The following COBL variants were observed in gnomAD, a reference collection of about 807,000 sequenced individuals.
COBL encodes the protein cordon-bleu WH2 repeat protein.
Under a neutral mutation model 98.8 loss-of-function variants are expected in COBL, and 51 were observed. The ratio of observed to expected loss-of-function variants is 0.52; its 90% CI spans 0.41 to 0.65. COBL has a LOEUF of 0.65. Among genes scored for constraint, COBL ranks in the 30% least tolerant of loss-of-function variants. The probability of loss-of-function intolerance (pLI) is 0.00; values close to 1 mark genes in which losing one functional copy is unlikely to be tolerated. For synonymous variants in COBL, 634 were observed against 651.7 expected (o/e 0.97, Z 0.41); for missense variants, 1,617 against 1,617.5 (o/e 1.00, Z 0.01).
chr7:51,302,740 AAAT>A (rs1802098225), intron 1 of COBL, among the ~76,000 whole-genome samples: 1 of 152,166 alleles, frequency 6.6e-6, no homozygotes. Context: ...TCTAAGAAAA[AAAT>A]AATAATAATT....
chr7:51,127,835 C>A (rs1332662042), intron 6 of COBL, among the ~76,000 whole-genome samples: 1 of 152,184 alleles, frequency 6.6e-6, no homozygotes, highest in Non-Finnish European at 1.5e-5. Flanking sequence ...GAGTTACCAA[C>A]CGCTGGCAAA....
At chr7:51,183,669 C>G (rs1789211797) in intron 5 of COBL, among the ~76,000 whole-genome samples, 1 of 152,240 alleles carries the variant, frequency 6.6e-6, no homozygotes, top group Non-Finnish European at 1.5e-5. Flanking sequence ...ATGACTGATA[C>G]TCTTCTCTGC....
chr7:51,254,308 T>C (rs1797008302), intron 1 of COBL, among the ~76,000 whole-genome samples: 1 of 152,186 alleles, frequency 6.6e-6, no homozygotes, highest in South Asian at 2.1e-4. Flanking sequence ...AATGGAAGGA[T>C]GAGAGGCGTA....
chr7:51,029,158 T>C lies in COBL; in HGVS notation c.1938A>G (p.Lys646=). The part of the protein sequence containing the change: ...SNLHTDNLNA[K]VKDKVYGCAD... Reference sequence around the variant, plus strand: ...CACAGCCATACACTTTGTCTTTCACTTTTGCATTTAGGTTGTCTGTGTGAA... The same window carrying C: ...CACAGCCATACACTTTGTCTTTCACCTTTGCATTTAGGTTGTCTGTGTGAA... Residue 646 remains lysine, a synonymous_variant, in exon 10 of 13, where the codon AAA becomes AAG. Coordinates refer to ENST00000265136, the MANE Select transcript of COBL (RefSeq NM_015198.5). 6.2e-7 allele frequency: 1 copy of C among 1,614,162 alleles called. No individual in the cohort carries two copies.
chr7:51,186,243 G>GA (rs57096680), intron 4 of COBL, among the ~76,000 whole-genome samples: 10,346 of 152,228 alleles, frequency 0.068, 385 homozygotes, highest in Middle Eastern at 0.14. Flanking sequence ...GGATGCTCAC[G>GA]AACTGACGAT....
Position 51,029,523 on chromosome 7 carries a change from A to C in COBL, c.1573T>G (p.Cys525Gly), listed in dbSNP as rs1219057631. The C allele has an allele frequency of 5.0e-6, 8 of 1,613,766 alleles. No homozygotes were observed. The highest frequency in any genetic ancestry group is 2.2e-5 in the East Asian group (1 of 44,884). ...TSSIHGASNH[C>G]PQDAMIPHGD... ...TGAGGGATCATGGCATCCTGTGGGC[A>C]GTGGTTGGATGCACCATGGATGGAG... The change falls in exon 10 of 13, where the codon TGC (cysteine) becomes GGC (glycine). Residue 525 changes from cysteine (C) to glycine (G), a missense_variant. Cys to Gly is a radical substitution (Grantham distance 159, BLOSUM62 -3). Transcript: ENST00000265136.
intron 8 of COBL, chr7:51,031,702 C>T (rs1788165352): frequency 2.6e-5 from 4 of 152,236 alleles, no homozygotes; most frequent in African/African-American, 9.6e-5. Context: ...CTTTTACAGA[C>T]TCTATGTTTA....
At chr7:51,291,726 A>C (rs1800915377) in intron 1 of COBL, among the ~76,000 whole-genome samples, 1 of 152,200 alleles carries the variant, frequency 6.6e-6, no homozygotes, top group African/African-American at 2.4e-5. Context: ...ACGCCATTGC[A>C]CTCCAGCCAG....
At chr7:51,187,949 C>T in intron 4 of COBL, 1 of 1,232,414 alleles carries the variant, frequency 8.1e-7, no homozygotes, top group Middle Eastern at 3.1e-4. Context: ...CTGAGTTTTG[C>T]TCAGACGAAC....
intron 1 of COBL, among the ~76,000 whole-genome samples, chr7:51,247,218 C>T (rs1398374845): frequency 6.6e-6 from 1 of 152,188 alleles, no homozygotes; most frequent in Non-Finnish European, 1.5e-5. Context: ...CAAATGACTC[C>T]CAATTGGGAT....
chr7:51,194,744 C>T (rs1384215642), intron 2 of COBL, among the ~76,000 whole-genome samples: 1 of 152,020 alleles, frequency 6.6e-6, no homozygotes, highest in Non-Finnish European at 1.5e-5. Flanking sequence ...TGTTTGTTGG[C>T]CTCATGTGTG....
chr7:51,218,077 G>A (rs1449843272), intron 2 of COBL, among the ~76,000 whole-genome samples: 3 of 152,222 alleles, frequency 2.0e-5, no homozygotes, highest in Non-Finnish European at 4.4e-5. Context: ...GCACCACACT[G>A]GAGAGCAGGC....
intron 1 of COBL, among the ~76,000 whole-genome samples, chr7:51,277,247 C>A (rs375230155): frequency 6.6e-6 from 1 of 152,122 alleles, no homozygotes; most frequent in Admixed American, 6.5e-5. Context: ...CTCACGGAAG[C>A]CTGAGGGTGA....
intron 5 of COBL, among the ~76,000 whole-genome samples, chr7:51,158,359 C>A (rs1355153472): frequency 6.6e-6 from 1 of 152,172 alleles, no homozygotes; most frequent in African/African-American, 2.4e-5. Flanking sequence ...CCAAACCTAC[C>A]GGATGGCGGA....
intron 5 of COBL, among the ~76,000 whole-genome samples, chr7:51,181,046 C>G (rs1788899164): frequency 6.6e-6 from 1 of 152,174 alleles, no homozygotes; most frequent in Non-Finnish European, 1.5e-5. Context: ...ATTCTTGCCA[C>G]TCTGTAATGC....
chr7:51,159,429 A>G lies in COBL; in HGVS notation c.784-23098T>C, dbSNP rs1196221178. On this transcript the variant is annotated intron_variant, in intron 5 of 12. Coordinates refer to ENST00000265136, the MANE Select transcript of COBL (RefSeq NM_015198.5). Reference sequence around the variant, plus strand: ...ATGGCGGAGATGTCATCTCCTAGACAGGAAAGGATACCGAGGGACAGAGAG... The same window carrying G: ...ATGGCGGAGATGTCATCTCCTAGACGGGAAAGGATACCGAGGGACAGAGAG... Among the ~76,000 whole-genome samples the G allele has an allele frequency of 2.0e-5, 3 of 152,248 alleles. No individual in the cohort carries two copies. In the East Asian group the frequency reaches 5.8e-4, roughly 29 times the overall value.
intron 7 of COBL, among the ~76,000 whole-genome samples, chr7:51,046,376 C>T (rs1386962893): frequency 2.0e-5 from 3 of 152,170 alleles, no homozygotes; most frequent in African/African-American, 7.2e-5. Context: ...GAGCACAGAT[C>T]TGAAGAGAAG....
At chr7:51,305,436 C>T (rs1420802597) in intron 1 of COBL, among the ~76,000 whole-genome samples, 1 of 152,182 alleles carries the variant, frequency 6.6e-6, no homozygotes, top group African/African-American at 2.4e-5. Context: ...CTAGATACCT[C>T]ATCTACAAAG....
At chr7:51,187,048 A>C (rs1789592215) in intron 4 of COBL, among the ~76,000 whole-genome samples, 1 of 152,168 alleles carries the variant, frequency 6.6e-6, no homozygotes, top group Non-Finnish European at 1.5e-5. Flanking sequence ...AAAGTGTGGG[A>C]ACTCACACAG....
Sources: gnomAD v4.1 joint callset for allele counts (sites outside exome capture counted in the v4.1 genomes callset) on GRCh38, gnomAD v4.1.1 for gene constraint, MANE v1.5 for transcripts, NCBI Gene and HGNC (gene_info 2026-07-23, HGNC 2026-07-21) for gene names.